The following SEMA3A variants were observed in gnomAD, a reference collection of about 807,000 sequenced individuals.
SEMA3A encodes semaphorin 3A, also known as semaphorin-3A.
SEMA3A carries 29 observed loss-of-function variants against 97.9 expected under a neutral mutation model. The ratio of observed to expected loss-of-function variants is 0.30; its 90% CI spans 0.22 to 0.40. SEMA3A has a LOEUF of 0.40. Ranked by LOEUF, SEMA3A falls within the 10% of genes least tolerant of loss-of-function variation. The pLI, the probability that SEMA3A is intolerant of heterozygous loss-of-function variation, is 1.00. For missense variants in SEMA3A, 763 were observed against 951.3 expected (o/e 0.80, Z 2.60); for synonymous variants, 321 against 323.7 (o/e 0.99, Z 0.09).
intron 3 of SEMA3A, among the ~76,000 whole-genome samples, chr7:84,302,703 A>G (rs1357571294): frequency 1.3e-5 from 2 of 152,176 alleles, no homozygotes; most frequent in Non-Finnish European, 2.9e-5. Context: ...TGAATAATGG[A>G]AATAATGGAA....
intron 1 of SEMA3A, among the ~76,000 whole-genome samples, chr7:84,402,835 T>A (rs1803944758): frequency 1.3e-5 from 2 of 152,146 alleles, no homozygotes; most frequent in Admixed American, 1.3e-4. Context: ...ATATCACACG[T>A]TCTCATTCAT....
intron 3 of SEMA3A, among the ~76,000 whole-genome samples, chr7:84,248,273 T>A (rs1275299738): frequency 6.6e-6 from 1 of 152,218 alleles, no homozygotes; most frequent in Non-Finnish European, 1.5e-5. Context: ...TGGCTGTTAA[T>A]AATGTATTTG....
chr7:84,220,507 C>T (rs1562858769), intron 3 of SEMA3A, among the ~76,000 whole-genome samples: 1 of 152,156 alleles, frequency 6.6e-6, no homozygotes, highest in Non-Finnish European at 1.5e-5. Flanking sequence ...AGAGGAGTCA[C>T]TATCAGTGGG....
intron 2 of SEMA3A, among the ~76,000 whole-genome samples, chr7:84,311,953 A>G (rs1562897697): frequency 6.6e-6 from 1 of 151,866 alleles, no homozygotes. Flanking sequence ...GCAAAGGTAA[A>G]TTTTCATGTA....
At chr7:84,492,264 G>A (rs1426814306) in intron 1 of SEMA3A, among the ~76,000 whole-genome samples, 3 of 152,070 alleles carry the variant, frequency 2.0e-5, no homozygotes, top group Non-Finnish European at 4.4e-5. Context: ...TCTGAATGAG[G>A]AGTCACTTCA....
At chr7:83,997,254 C>T (rs954823860) in intron 12 of SEMA3A, among the ~76,000 whole-genome samples, 9 of 152,118 alleles carry the variant, frequency 5.9e-5, no homozygotes, top group African/African-American at 9.7e-5. Context: ...TTCTATTTAC[C>T]TTGTCAAACT....
chr7:84,242,745 C>T (rs1204461779), intron 3 of SEMA3A, among the ~76,000 whole-genome samples: 1 of 152,108 alleles, frequency 6.6e-6, no homozygotes, highest in Non-Finnish European at 1.5e-5. Flanking sequence ...AGCTTTTGCC[C>T]ATTCAGAATG....
chr7:83,977,941 C>T (rs1363011528), intron 14 of SEMA3A, among the ~76,000 whole-genome samples: 1 of 151,580 alleles, frequency 6.6e-6, no homozygotes, highest in Non-Finnish European at 1.5e-5. Context: ...GTAGCTGGGA[C>T]TACAGGCAGC....
At chr7:84,347,948 C>A (rs561454128) in intron 2 of SEMA3A, among the ~76,000 whole-genome samples, 1 of 152,194 alleles carries the variant, frequency 6.6e-6, no homozygotes, top group East Asian at 1.9e-4. Flanking sequence ...CTAAACCCAT[C>A]AAAACTCACT....
At chr7:84,055,021 T>G in intron 5 of SEMA3A, among the ~76,000 whole-genome samples, 1 of 152,110 alleles carries the variant, frequency 6.6e-6, no homozygotes, top group Admixed American at 6.5e-5. Context: ...TGCTCAGGGG[T>G]CAGGGGTCAG....
At chr7:83,965,606 C>T (rs192949721) in intron 15 of SEMA3A, among the ~76,000 whole-genome samples, 233 of 105,090 alleles carry the variant, frequency 2.2e-3, no homozygotes, top group African/African-American at 8.0e-3. Flanking sequence ...TGTTTCAATA[C>T]CAATGTAACA....
intron 3 of SEMA3A, among the ~76,000 whole-genome samples, chr7:84,272,467 A>G (rs1232686962): frequency 6.6e-6 from 1 of 151,874 alleles, no homozygotes; most frequent in African/African-American, 2.4e-5. Flanking sequence ...GAAGTAATAG[A>G]AAAAAATTTG....
chr7:84,164,686 G>A (rs1433414045), intron 1 of SEMA3A, among the ~76,000 whole-genome samples: 1 of 152,146 alleles, frequency 6.6e-6, no homozygotes, highest in African/African-American at 2.4e-5. Flanking sequence ...TAAATTGCAT[G>A]TAGTAAATCA....
intron 3 of SEMA3A, among the ~76,000 whole-genome samples, chr7:84,242,136 TTAAAG>T (rs1799378769): frequency 6.6e-6 from 1 of 152,162 alleles, no homozygotes; most frequent in Admixed American, 6.5e-5. Flanking sequence ...CAGATGAAAC[TTAAAG>T]TAGTTTTTTT....
At chr7:84,424,820 T>G (rs1297980605) in intron 1 of SEMA3A, among the ~76,000 whole-genome samples, 2 of 100,966 alleles carry the variant, frequency 2.0e-5, no homozygotes, top group Non-Finnish European at 3.4e-5. Context: ...ACATATATAA[T>G]ATAATGATAT....
At chr7:84,250,689 C>CTTG (rs1429427610) in intron 3 of SEMA3A, among the ~76,000 whole-genome samples, 1 of 152,132 alleles carries the variant, frequency 6.6e-6, no homozygotes, top group Non-Finnish European at 1.5e-5. Context: ...CTAAGACAAG[C>CTTG]TTGGCACTTT....
intron 3 of SEMA3A, among the ~76,000 whole-genome samples, chr7:84,215,909 A>G (rs1002643989): frequency 2.0e-5 from 3 of 151,828 alleles, no homozygotes; most frequent in Non-Finnish European, 2.9e-5. Flanking sequence ...TTAAAAATGT[A>G]TATGTGTACA....
chr7:84,354,511 T>C (rs952892605), intron 2 of SEMA3A, among the ~76,000 whole-genome samples: 1 of 151,602 alleles, frequency 6.6e-6, no homozygotes, highest in Non-Finnish European at 1.5e-5. Flanking sequence ...TAGATTATTT[T>C]AGGAGAATTT....
intron 4 of SEMA3A, among the ~76,000 whole-genome samples, chr7:84,106,193 C>T (rs569996578): frequency 1.3e-5 from 2 of 152,240 alleles, no homozygotes; most frequent in South Asian, 2.1e-4. Flanking sequence ...TAATGATGAA[C>T]GGCATGTAGG....
Sources: allele counts gnomAD v4.1 joint callset (sites outside exome capture counted in the v4.1 genomes callset), GRCh38; gene constraint gnomAD v4.1.1; transcripts MANE v1.5; gene names NCBI Gene and HGNC (gene_info 2026-07-23, HGNC 2026-07-21).